The following MAP3K12 variants were observed in gnomAD, a reference collection of about 807,000 sequenced individuals.
MAP3K12 encodes mitogen-activated protein kinase kinase kinase 12.
MAP3K12 carries 14 observed loss-of-function variants against 87.5 expected under a neutral mutation model. The observed-to-expected ratio is 0.16, with a 90% CI of 0.11 to 0.25. The LOEUF (loss-of-function observed/expected upper bound fraction) is 0.25. Ranked by LOEUF, MAP3K12 falls within the 10% of genes least tolerant of loss-of-function variation. The pLI is 1.00. For missense variants in MAP3K12, 802 were observed against 1,140.4 expected (o/e 0.70, Z 4.27); for synonymous variants, 469 against 452.5 (o/e 1.04, Z -0.46).
At position 53,482,649 on chromosome 12, in the gene MAP3K12, GGTCCCTTCCCTTCCA is replaced by G; in HGVS notation, c.2139_2153del (p.Gly714_Thr718del). 6.2e-7 allele frequency: 1 copy of G among 1,613,968 alleles called. No homozygotes were observed. The highest frequency in any genetic ancestry group is 8.5e-7 in the Non-Finnish European group (1 of 1,180,026). ...CAGCCCGGCTTCCTCCCCGGCCTGAGGTCCCTTCCCTTCCAGTTCCCAGAAGCCCCACACCTTCAC... is the reference window on the plus strand; with the variant it reads ...CAGCCCGGCTTCCTCCCCGGCCTGAGGTTCCCAGAAGCCCCACACCTTCAC... On this transcript the variant is annotated inframe_deletion, in exon 11 of 14. Transcript: ENST00000547488.
chr12:53,484,982 T>A (rs1408718259), intron 6 of MAP3K12, 74 bp downstream of exon 6: 2 of 1,564,836 alleles, frequency 1.3e-6, no homozygotes, highest in Non-Finnish European at 1.7e-6. Flanking sequence ...TGCCATTTAT[T>A]GGTCAGTCCA....
chr12:53,482,655 T>G lies in MAP3K12; in HGVS notation c.2148A>C (p.Glu716Asp). The stretch of plus-strand genomic sequence containing the variant: ...GGCTTCCTCCCCGGCCTGAGGTCCC[T>G]TCCCTTCCAGTTCCCAGAAGCCCCA... The part of the protein sequence containing the change: ...EGVGLLGTGR[E>D]GTSGRGGSRA... The change falls in exon 11 of 14, where the codon GAA becomes GAC. Residue 716 changes from glutamate to aspartate, a missense_variant. Coordinates refer to ENST00000547488, the MANE Select transcript of MAP3K12 (RefSeq NM_001193511.2). The G allele has an allele frequency of 6.2e-7, 1 of 1,613,956 alleles. No homozygotes were observed. Among genetic ancestry groups the G allele is most frequent in the Non-Finnish European group, 8.5e-7 (1 of 1,180,026 alleles).
intron 12 of MAP3K12, 36 bp from the exon 13 acceptor site, chr12:53,482,247 G>A: frequency 1.2e-6 from 2 of 1,614,152 alleles, no homozygotes; most frequent in South Asian, 2.2e-5. Context: ...GCTTGGTTCT[G>A]CCCCTAGCAG....
Position 53,487,334 on chromosome 12 carries a change from T to C in MAP3K12, c.58A>G (p.Thr20Ala). 6.2e-7 allele frequency: 1 copy of C among 1,613,722 alleles called. No homozygotes were observed. Among genetic ancestry groups the C allele is most frequent in the South Asian group, 1.1e-5 (1 of 91,050 alleles). Residue 20 changes from threonine (T) to alanine (A), a missense_variant, in exon 2 of 14, where the codon ACC becomes GCC. Physicochemically the swap from Thr to Ala is moderately conservative, Grantham distance 58. Around this residue, in one of 5 missense-constraint regions of MAP3K12, gnomAD observed 135 missense variants for 151.6 expected, o/e 0.89. Coordinates refer to ENST00000547488, the MANE Select transcript of MAP3K12 (RefSeq NM_001193511.2). ...TTGCGCATGGATGCCTCACTTAGGG[T>C]AGACACAAAGCCCCCAAAGGAAGGA... is the stretch of plus-strand genomic sequence containing the variant. The part of the protein sequence containing the change: ...PSPSFGGFVS[T>A]LSEASMRKLD...
In MAP3K12 at chr12:53,482,763, G is replaced by T. The variant is rs186201058; in HGVS notation, c.2040C>A (p.Gly680=). The T allele has an allele frequency of 6.2e-7, 1 of 1,613,916 alleles. No individual in the cohort carries two copies. The highest frequency in any genetic ancestry group is 8.5e-7 in the Non-Finnish European group (1 of 1,179,914). Residue 680 remains glycine (G), a synonymous_variant, in exon 11 of 14, where the codon GGC becomes GGA. Transcript: ENST00000547488. ...CTGGGCTGGTGGAGCCAGGGGCTGA[G>T]CCCTCACTTGGTGGGGTGTCACCCC... is the stretch of plus-strand genomic sequence containing the variant. ...PARGDTPPSE[G]SAPGSTSPDS...
At position 53,486,874 on chromosome 12, in the gene MAP3K12, C is replaced by T; in HGVS notation, c.445+73G>A. The T allele has an allele frequency of 6.3e-7, 1 of 1,582,582 alleles. No individual in the cohort carries two copies. Among genetic ancestry groups the T allele is most frequent in the Non-Finnish European group, 8.6e-7 (1 of 1,162,228 alleles). On this transcript the variant is annotated intron_variant, in intron 2 of 13. Transcript: ENST00000547488. The surrounding 1 kb of genome is among the most constrained non-coding windows in gnomAD (Gnocchi z 4.9). The stretch of plus-strand genomic sequence containing the variant: ...GGGGAGGGAAGGGACCATTGCGTGA[C>T]TTTAGCGGAGCTGACCAACAGATCT...
upstream of MAP3K12, chr12:53,501,423 G>T: frequency 6.4e-7 from 1 of 1,567,488 alleles, no homozygotes; most frequent in Non-Finnish European, 8.7e-7. Context: ...GTGAAGAGGA[G>T]CAAGGCTCCG....
In MAP3K12 at chr12:53,489,190, A is replaced by G. The variant is rs551805863; in HGVS notation, c.-37-1762T>C. On this transcript the variant is annotated intron_variant, in intron 1 of 13. Transcript: ENST00000547488. Reference sequence around the variant, plus strand: ...CAAACAAAAAACAACAAAGCTGGGCATGGTGATCCTGTGACTGTGGTCCCA... The same window carrying G: ...CAAACAAAAAACAACAAAGCTGGGCGTGGTGATCCTGTGACTGTGGTCCCA... 2.6e-5 allele frequency among the ~76,000 whole-genome samples: 4 copies of G among 152,064 alleles called. No homozygotes were observed. The South Asian group carries it at 8.3e-4, about 32-fold the overall frequency.
chr12:53,489,368 A>G (rs1943338690), intron 1 of MAP3K12, among the ~76,000 whole-genome samples: 1 of 152,240 alleles, frequency 6.6e-6, no homozygotes, highest in Non-Finnish European at 1.5e-5. Context: ...TGCTTCTGCC[A>G]CATAATGGCT....
intron 1 of MAP3K12, among the ~76,000 whole-genome samples, chr12:53,491,759 C>T (rs1006982209): frequency 6.6e-6 from 1 of 150,934 alleles, no homozygotes; most frequent in Admixed American, 6.6e-5. Flanking sequence ...ATAATCTGCC[C>T]ACAGGGCCAT....
At position 53,484,640 on chromosome 12, in the gene MAP3K12, T is replaced by C. The variant is rs76746013; in HGVS notation, c.1140-275A>G. The C allele has an allele frequency of 6.4e-3, 3,001 of 470,840 alleles. 91 individuals are homozygous for C. The highest frequency in any genetic ancestry group is 0.055 in the African/African-American group (2,782 of 50,666). The allele number at this position is 470,840 out of a possible 1,614,324, so 29.2% of individuals were successfully genotyped here. On this transcript the variant is annotated intron_variant, in intron 6 of 13. Transcript: ENST00000547488. ...GAATAACTTCATTGAAGGAACCACA[T>C]TTTGGGAAATGCTCAGTGACAGATT...
chr12:53,484,732 C>G (rs900569964), intron 6 of MAP3K12: 12 of 468,596 alleles, frequency 2.6e-5, no homozygotes, highest in African/African-American at 2.4e-4. Context: ...CTTCTGTGTT[C>G]TAAGGTTGTT....
In MAP3K12 at chr12:53,486,828, A is replaced by G. The variant is rs762350905; in HGVS notation, c.445+119T>C. ...GGAAGTTAGAGGCTGATGGATGGCT[A>G]AGGGACTAGGGCTGGGCCATGGGGA... is the stretch of plus-strand genomic sequence containing the variant. On this transcript the variant is annotated intron_variant, in intron 2 of 13. Transcript: ENST00000547488. This position sits in a 1 kb window ranked among gnomAD's most constrained non-coding sequence, Gnocchi z 4.9. The G allele has an allele frequency of 4.5e-5, 69 of 1,527,708 alleles. No homozygotes were observed. The highest frequency in any genetic ancestry group is 3.1e-4 in the South Asian group (24 of 76,656). The allele number at this position is 1,527,708 out of a possible 1,614,324, so 94.6% of individuals were successfully genotyped here.
At chr12:53,496,501 A>G (rs568454775) in intron 1 of MAP3K12, among the ~76,000 whole-genome samples, 1 of 152,310 alleles carries the variant, frequency 6.6e-6, no homozygotes, top group African/African-American at 2.4e-5. Flanking sequence ...GGGCAAGAGC[A>G]GGGTAGGATG....
intron 1 of MAP3K12, among the ~76,000 whole-genome samples, chr12:53,495,758 A>G (rs1233402003): frequency 1.3e-5 from 2 of 151,914 alleles, no homozygotes; most frequent in Admixed American, 6.6e-5. Flanking sequence ...GAAAAGAACT[A>G]TTGCTTTTCT....
At chr12:53,494,298 C>T (rs114590869) in intron 1 of MAP3K12, among the ~76,000 whole-genome samples, 23 of 152,350 alleles carry the variant, frequency 1.5e-4, no homozygotes, top group African/African-American at 5.5e-4. Context: ...TCAACCATAT[C>T]TACCAAGTGT....
At chr12:53,485,971 C>G in intron 4 of MAP3K12, 85 bp downstream of exon 4, 1 of 1,309,474 alleles carries the variant, frequency 7.6e-7, no homozygotes, top group Non-Finnish European at 1.1e-6. Context: ...GGACCTAGGG[C>G]ATGGTTTGGA....
intron 1 of MAP3K12, chr12:53,493,697 A>T (rs117247527): frequency 0.018 from 2,808 of 152,240 alleles, 34 homozygotes; most frequent in Non-Finnish European, 0.03. Context: ...TAGGCACAGC[A>T]CCTGGCTTTT....
chr12:53,499,957 C>CT (rs1943647110), upstream of MAP3K12: 1 of 152,444 alleles, frequency 6.6e-6, no homozygotes, highest in Admixed American at 6.5e-5. Context: ...TCTGGCATTG[C>CT]TCCCCCTATC....
Sources: gnomAD v4.1 joint callset for allele counts (sites outside exome capture counted in the v4.1 genomes callset) on GRCh38, gnomAD v4.1.1 for gene constraint, gnomAD v4.1.1 regional missense constraint, Gnocchi (gnomAD v3.1) non-coding constraint, MANE v1.5 for transcripts, NCBI Gene and HGNC (gene_info 2026-07-23, HGNC 2026-07-21) for gene names.